PTPRA: variants seen among roughly 807,000 people sequenced by gnomAD.
PTPRA encodes receptor-type tyrosine-protein phosphatase alpha.
A neutral mutation model predicts 104.8 loss-of-function variants in PTPRA; 25 were observed. The ratio of observed to expected loss-of-function variants is 0.24; its 90% CI spans 0.17 to 0.33. The LOEUF (loss-of-function observed/expected upper bound fraction) is 0.33, where lower values mean the gene tolerates loss of function less well. Ranked by LOEUF, PTPRA falls within the 10% of genes least tolerant of loss-of-function variation. The pLI is 1.00. For synonymous variants in PTPRA, 323 were observed against 368.9 expected, an observed-to-expected ratio of 0.88 and a Z score of 1.43; for missense variants, 765 against 1,015.3, an observed-to-expected ratio of 0.75 and a Z score of 3.35.
chr20:2,874,349 T>A (rs890168068), intron 1 of PTPRA, among the ~76,000 whole-genome samples: 16 of 151,318 alleles, frequency 1.1e-4, no homozygotes, highest in Admixed American at 3.3e-4. Flanking sequence ...AAATAAAAAA[T>A]TTTTTTTGAA....
At chr20:3,001,818 G>A (rs2063640491) in intron 9 of PTPRA, among the ~76,000 whole-genome samples, 1 of 152,120 alleles carries the variant, frequency 6.6e-6, no homozygotes, top group African/African-American at 2.4e-5. Flanking sequence ...GTAGGTGAGG[G>A]CAGATGGATT....
chr20:3,022,299 C>T lies in PTPRA; in HGVS notation c.1328+79C>T, dbSNP rs1231743488. 1 of 1,531,588 alleles carries T rather than the reference C, an allele frequency of 6.5e-7. No homozygotes were observed. The highest frequency in any genetic ancestry group is 1.4e-5 in the African/African-American group (1 of 72,812). The allele number at this position is 1,531,588 out of a possible 1,614,324, so 94.9% of individuals were successfully genotyped here. ...AGAGCAGGGGAACAGCACAAGGGCC[C>T]TGGCTGAGGAGGCTGGCACAGAGTA... On this transcript the variant is annotated intron_variant, in intron 15 of 23. Coordinates refer to ENST00000399903, the MANE Select transcript of PTPRA (RefSeq NM_001385305.1). This position sits in a 1 kb window ranked among gnomAD's most constrained non-coding sequence, Gnocchi z 4.6.
chr20:2,992,864 G>A (rs1273093180), intron 9 of PTPRA, among the ~76,000 whole-genome samples: 1 of 152,170 alleles, frequency 6.6e-6, no homozygotes, highest in Non-Finnish European at 1.5e-5. Context: ...AGATGAGGCA[G>A]GCAGATTGCT....
intron 11 of PTPRA, among the ~76,000 whole-genome samples, chr20:3,008,600 A>T (rs915471532): frequency 6.6e-6 from 1 of 152,000 alleles, no homozygotes; most frequent in African/African-American, 2.4e-5. Context: ...TACACTTAAA[A>T]TGGCTAAAAT....
At chr20:2,961,424 T>C (rs1189685709) in intron 3 of PTPRA, among the ~76,000 whole-genome samples, 3 of 152,230 alleles carry the variant, frequency 2.0e-5, no homozygotes, top group Non-Finnish European at 4.4e-5. Context: ...TTTGCCGTAC[T>C]GTTTATCTTC....
intron 1 of PTPRA, among the ~76,000 whole-genome samples, chr20:2,906,899 T>G (rs1174436513): frequency 1.3e-5 from 2 of 152,342 alleles, no homozygotes; most frequent in East Asian, 3.9e-4. Context: ...TTACTTCCAA[T>G]GGAAGGTTAG....
At chr20:2,864,372 G>A in the PTPRA span, 15 of 1,614,062 alleles carry the variant, frequency 9.3e-6, no homozygotes, top group Admixed American at 5.0e-5. The surrounding 1 kb of genome is among the most constrained non-coding windows in gnomAD (Gnocchi z 5.2). Context: ...CAGTGTTCAC[G>A]GTGTTGCTGC....
chr20:3,032,557 G>A (rs1371175690), intron 20 of PTPRA, among the ~76,000 whole-genome samples: 1 of 149,618 alleles, frequency 6.7e-6, no homozygotes, highest in Admixed American at 6.6e-5. Context: ...CACAAAGTCA[G>A]GAGATCGAGA....
rs147294473 is a variant in PTPRA, at chr20:2,925,580, G to A, written c.-50+2295G>A. Among the ~76,000 whole-genome samples, 333 of 152,280 alleles carry A rather than the reference G, an allele frequency of 2.2e-3. 2 individuals are homozygous for A. In the Middle Eastern group the frequency reaches 0.024, roughly 11 times the overall value. On this transcript the variant is annotated intron_variant, in intron 2 of 23. Coordinates refer to ENST00000399903, the MANE Select transcript of PTPRA (RefSeq NM_001385305.1). ...TGTAATCCCAGCACTTTGGGAGGCC[G>A]AGGCAGGCGGATCACTTGAGGTCAG...
intron 9 of PTPRA, among the ~76,000 whole-genome samples, chr20:3,001,789 C>A (rs181767179): frequency 6.6e-6 from 1 of 152,252 alleles, no homozygotes; most frequent in African/African-American, 2.4e-5. Flanking sequence ...GGGTTTTAAT[C>A]TGAAAGGAAA....
intron 20 of PTPRA, 26 bp downstream of exon 20, chr20:3,027,867 G>A (rs774229754): frequency 1.2e-6 from 2 of 1,611,538 alleles, no homozygotes; most frequent in Non-Finnish European, 1.7e-6. Context: ...CCTGGGTGGT[G>A]AGAGACAGAG....
intron 1 of PTPRA, among the ~76,000 whole-genome samples, chr20:2,888,358 G>C (rs1249202901): frequency 6.6e-6 from 1 of 152,000 alleles, no homozygotes. Context: ...CCAGGAGTTC[G>C]AGACCAGCCT....
intron 9 of PTPRA, among the ~76,000 whole-genome samples, chr20:2,998,930 T>TTA (rs10700402): frequency 2.0e-5 from 3 of 148,366 alleles, no homozygotes; most frequent in African/African-American, 4.9e-5. Flanking sequence ...TATTTATAAT[T>TTA]TATTATATAT....
In PTPRA at chr20:3,022,975, T is replaced by A. The variant is rs1179325924; in HGVS notation, c.1464+151T>A. The stretch of plus-strand genomic sequence containing the variant: ...AGAAAGATAGATCACACTGTTACCG[T>A]GTCTATGTAGAAAAAGGAAGACACG... On this transcript the variant is annotated intron_variant, in intron 16 of 23. Transcript: ENST00000399903. This position sits in a 1 kb window ranked among gnomAD's most constrained non-coding sequence, Gnocchi z 4.6. 3.0e-6 allele frequency: 4 copies of A among 1,330,404 alleles called. No individual in the cohort carries two copies. Among genetic ancestry groups the A allele is most frequent in the Non-Finnish European group, 4.0e-6 (4 of 988,428 alleles). The allele number at this position is 1,330,404 out of a possible 1,614,324, so 82.4% of individuals were successfully genotyped here.
At chr20:2,951,381 G>C (rs1228475512) in intron 3 of PTPRA, among the ~76,000 whole-genome samples, 1 of 152,142 alleles carries the variant, frequency 6.6e-6, no homozygotes, top group Admixed American at 6.5e-5. Flanking sequence ...ATTACAGGCA[G>C]GAGCCACTGC....
intron 2 of PTPRA, among the ~76,000 whole-genome samples, chr20:2,934,198 A>G (rs1261015301): frequency 2.0e-5 from 3 of 152,014 alleles, no homozygotes; most frequent in African/African-American, 7.2e-5. Context: ...CTACCTCCCC[A>G]GGCTCAGGTG....
chr20:3,035,455 A>G lies in PTPRA; in HGVS notation c.1921-130A>G. The G allele has an allele frequency of 1.8e-6, 2 of 1,097,162 alleles. No individual in the cohort carries two copies. The highest frequency in any genetic ancestry group is 2.6e-5 in the Admixed American group (1 of 38,430). The allele number at this position is 1,097,162 out of a possible 1,614,324, so 68.0% of individuals were successfully genotyped here. A position where few individuals can be genotyped will look rare whatever the true frequency, so the allele number is the denominator to read the frequency against. ...TGATATAATGATCCTGCAAGTTTTC[A>G]ATACCTTGGGGACGAAGCGTATCAG... On this transcript the variant is annotated intron_variant, in intron 20 of 23. Coordinates refer to ENST00000399903, the MANE Select transcript of PTPRA (RefSeq NM_001385305.1). This position sits in a 1 kb window ranked among gnomAD's most constrained non-coding sequence, Gnocchi z 5.8.
intron 1 of PTPRA, among the ~76,000 whole-genome samples, chr20:2,882,248 T>A (rs1321021155): frequency 2.0e-5 from 3 of 152,108 alleles, no homozygotes; most frequent in Admixed American, 2.0e-4. Flanking sequence ...GCTTCTAGCA[T>A]GTCTCAGTAT....
chr20:3,013,449 C>T (rs568027434), intron 11 of PTPRA, among the ~76,000 whole-genome samples: 1 of 149,392 alleles, frequency 6.7e-6, no homozygotes, highest in South Asian at 2.1e-4. Context: ...CGGAATTTCA[C>T]TCTTGTTGCC....
Sources: gnomAD v4.1 joint callset for allele counts (sites outside exome capture counted in the v4.1 genomes callset) on GRCh38, gnomAD v4.1.1 for gene constraint, Gnocchi (gnomAD v3.1) non-coding constraint, MANE v1.5 for transcripts, NCBI Gene and HGNC (gene_info 2026-07-23, HGNC 2026-07-21) for gene names.